NYAP2: variants seen among roughly 807,000 people sequenced by gnomAD.
NYAP2 encodes the protein neuronal tyrosine-phosphorylated phosphoinositide-3-kinase adaptor 2.
A neutral mutation model predicts 50.4 loss-of-function variants in NYAP2; 23 were observed. The observed-to-expected ratio is 0.46, with a 90% confidence interval of 0.33 to 0.65. The LOEUF is 0.65. Ranked by LOEUF, NYAP2 falls within the 30% of genes least tolerant of loss-of-function variation. NYAP2 has a pLI of 0.02. For synonymous variants in NYAP2, 394 were observed against 365.2 expected (o/e 1.08, Z -0.90); for missense variants, 885 against 861.0 (o/e 1.03, Z -0.35).
At chr2:225,542,448 C>T (rs1200653586) in intron 4 of NYAP2, among the ~76,000 whole-genome samples, 3 of 151,988 alleles carry the variant, frequency 2.0e-5, no homozygotes, top group Non-Finnish European at 4.4e-5. Flanking sequence ...GTTCCTTCTA[C>T]ACCCAGTTTT....
rs561851621 is a variant in NYAP2, at chr2:225,496,729, C to T, written c.222-16642C>T. ...TTTCCCTGGTCACCTTCCATGTGTA[C>T]AGGAAGGTTTTATTTTAATAGGGTG... On this transcript the variant is annotated intron_variant, in intron 3 of 6. Coordinates refer to ENST00000636099, the Ensembl canonical transcript of NYAP2. 5.9e-5 allele frequency among the ~76,000 whole-genome samples: 9 copies of T among 152,070 alleles called. No homozygotes were observed. In the South Asian group the frequency reaches 1.9e-3, roughly 32 times the overall value.
chr2:225,547,607 A>G (rs1309116829), intron 4 of NYAP2, among the ~76,000 whole-genome samples: 5 of 152,164 alleles, frequency 3.3e-5, no homozygotes, highest in African/African-American at 7.2e-5. Context: ...ACTGAGTTCA[A>G]TGAAGGAACC....
intron 3 of NYAP2, among the ~76,000 whole-genome samples, chr2:225,449,761 A>G (rs1235161241): frequency 6.6e-6 from 1 of 151,780 alleles, no homozygotes; most frequent in East Asian, 1.9e-4. Context: ...GGTGCCTGCC[A>G]CCACACCCGG....
At chr2:225,419,095 T>A (rs949855611) in intron 3 of NYAP2, among the ~76,000 whole-genome samples, 2 of 152,156 alleles carry the variant, frequency 1.3e-5, no homozygotes, top group Non-Finnish European at 2.9e-5. Flanking sequence ...TTTGCGCAGT[T>A]AGTGAAATCA....
chr2:225,412,466 C>T (rs1695062777), intron 3 of NYAP2, among the ~76,000 whole-genome samples: 1 of 151,420 alleles, frequency 6.6e-6, no homozygotes, highest in Admixed American at 6.6e-5. Context: ...GACTGCTCAG[C>T]CCTGCTAAGA....
chr2:225,680,388 T>C, the NYAP2 span, among the ~76,000 whole-genome samples: 10 of 152,088 alleles, frequency 6.6e-5, no homozygotes, highest in African/African-American at 1.2e-4. Context: ...TCTTATAGAG[T>C]AGATTCTGTC....
intron 6 of NYAP2, among the ~76,000 whole-genome samples, chr2:225,627,483 TGCTTCAA>T (rs1241204077): frequency 2.0e-5 from 3 of 152,186 alleles, no homozygotes; most frequent in African/African-American, 4.8e-5. Context: ...ATGCTTCATT[TGCTTCAA>T]AAAATATTTT....
intron 6 of NYAP2, among the ~76,000 whole-genome samples, chr2:225,649,599 G>C (rs1380726336): frequency 5.3e-5 from 8 of 152,094 alleles, no homozygotes; most frequent in African/African-American, 1.9e-4. Flanking sequence ...CCAACTCCTG[G>C]GCTCAAGTGA....
chr2:225,620,933 G>A (rs1042254642), intron 5 of NYAP2, among the ~76,000 whole-genome samples: 1 of 152,048 alleles, frequency 6.6e-6, no homozygotes, highest in Non-Finnish European at 1.5e-5. Context: ...GGCTAACATG[G>A]TGAAACCCCA....
At chr2:225,430,191 C>T (rs1455163045) in intron 3 of NYAP2, among the ~76,000 whole-genome samples, 2 of 152,052 alleles carry the variant, frequency 1.3e-5, no homozygotes, top group Non-Finnish European at 1.5e-5. Flanking sequence ...TAGATTTTCT[C>T]AAAATAATCC....
chr2:225,512,511 T>C (rs10933095), intron 3 of NYAP2, among the ~76,000 whole-genome samples: 45,600 of 149,652 alleles, frequency 0.3, 7,153 homozygotes, highest in South Asian at 0.48. Context: ...CTCCCTGCCT[T>C]TCCTCCTTTC....
chr2:225,427,067 A>C (rs1695298373), intron 3 of NYAP2, among the ~76,000 whole-genome samples: 1 of 152,244 alleles, frequency 6.6e-6, no homozygotes, highest in Non-Finnish European at 1.5e-5. Flanking sequence ...TTGGGCAATC[A>C]AACCTAGAAT....
At chr2:225,566,655 AC>A (rs1691967939) in intron 4 of NYAP2, among the ~76,000 whole-genome samples, 1 of 152,192 alleles carries the variant, frequency 6.6e-6, no homozygotes, top group Admixed American at 6.5e-5. Flanking sequence ...ACTTCCTTTC[AC>A]TGTAGGTAGA....
At chr2:225,492,914 G>T (rs1223610987) in intron 3 of NYAP2, among the ~76,000 whole-genome samples, 1 of 152,186 alleles carries the variant, frequency 6.6e-6, no homozygotes, top group Non-Finnish European at 1.5e-5. Context: ...ATGAGATTTA[G>T]AGGGGAGATT....
chr2:225,496,409 A>G (rs1020930973), intron 3 of NYAP2, among the ~76,000 whole-genome samples: 1 of 152,192 alleles, frequency 6.6e-6, no homozygotes, highest in Admixed American at 6.5e-5. Flanking sequence ...AAATTAGCCT[A>G]CAACTTACAT....
At chr2:225,657,783 T>G (rs890439684), downstream of NYAP2, among the ~76,000 whole-genome samples, 6 of 152,138 alleles carry the variant, frequency 3.9e-5, no homozygotes, top group Admixed American at 3.9e-4. Flanking sequence ...AGGGACATTT[T>G]ACCTGATCAG....
At chr2:225,486,556 C>T (rs766857448) in intron 3 of NYAP2, among the ~76,000 whole-genome samples, 4 of 152,164 alleles carry the variant, frequency 2.6e-5, no homozygotes, top group Admixed American at 2.6e-4. Flanking sequence ...GCTTCCAAAT[C>T]CCACTGATTT....
intron 3 of NYAP2, among the ~76,000 whole-genome samples, chr2:225,485,034 G>A (rs1406420878): frequency 6.6e-6 from 1 of 152,132 alleles, no homozygotes; most frequent in Non-Finnish European, 1.5e-5. Flanking sequence ...TACAGCAGTT[G>A]GTCATTAATA....
chr2:225,453,261 A>C (rs953935593), intron 3 of NYAP2, among the ~76,000 whole-genome samples: 1 of 152,212 alleles, frequency 6.6e-6, no homozygotes, highest in African/African-American at 2.4e-5. Context: ...AGGGAAACAT[A>C]TTGACAGCTA....
Sources: allele counts gnomAD v4.1 joint callset (sites outside exome capture counted in the v4.1 genomes callset), GRCh38; gene constraint gnomAD v4.1.1; transcripts MANE v1.5; gene names NCBI Gene and HGNC (gene_info 2026-07-23, HGNC 2026-07-21).